The following PIK3C3 variants were observed in gnomAD, a reference collection of about 807,000 sequenced individuals.
PIK3C3 encodes the protein PI3-kinase type 3.
PIK3C3 carries 95 observed loss-of-function variants against 126.1 expected under a neutral mutation model. The ratio of observed to expected loss-of-function variants is 0.75; its 90% CI spans 0.64 to 0.89. The LOEUF is 0.89. PIK3C3 is among the 40% of genes least tolerant of loss of function. The pLI, the probability that PIK3C3 is intolerant of heterozygous loss-of-function variation, is 0.00. For synonymous variants in PIK3C3, 374 were observed against 360.0 expected, an observed-to-expected ratio of 1.04 and a Z score of -0.44; for missense variants, 829 against 1,063.2, an observed-to-expected ratio of 0.78 and a Z score of 3.06.
In PIK3C3 at chr18:41,995,999, G is replaced by T; in HGVS notation, c.891+5G>T. The T allele has an allele frequency of 6.4e-7, 1 of 1,566,672 alleles. No homozygotes were observed. The highest frequency in any genetic ancestry group is 8.8e-7 in the Non-Finnish European group (1 of 1,137,840). ...GCCACGAGAGATCAGTTAAATGTAA[G>T]AGAATTATGAAATATTAATTTAAAA... On this transcript the variant is annotated splice_donor_5th_base_variant and intron_variant, in intron 8 of 24. Coordinates refer to ENST00000262039, the MANE Select transcript of PIK3C3 (RefSeq NM_002647.4).
At chr18:42,022,080 C>T (rs946217231) in intron 13 of PIK3C3, among the ~76,000 whole-genome samples, 1 of 152,194 alleles carries the variant, frequency 6.6e-6, no homozygotes, top group African/African-American at 2.4e-5. Context: ...AGGTAATGCT[C>T]TGCTGGGTAC....
intron 1 of PIK3C3, 114 bp downstream of exon 1, chr18:41,955,473 G>T (rs1278086718): frequency 1.1e-6 from 1 of 888,984 alleles, no homozygotes; most frequent in African/African-American, 1.7e-5. Context: ...GGCCCAGATT[G>T]GGGGCGGCTG....
At position 42,079,946 on chromosome 18, in the gene PIK3C3, A is replaced by T. The variant is rs1482905685; in HGVS notation, c.2650-1177A>T. 3.4e-3 allele frequency among the ~76,000 whole-genome samples: 472 copies of T among 137,180 alleles called. 3 individuals are homozygous for T. Among genetic ancestry groups the T allele is most frequent in the African/African-American group, 0.01 (378 of 37,044 alleles). The allele number at this position is 137,180 out of a possible 152,430, so 90.0% of individuals were successfully genotyped here. ...TTCCCTCTTATTTCCCCAACTTTTG[A>T]GTGTGTGTGTGTGTGTGTGTGTGTG... On this transcript the variant is annotated intron_variant, in intron 24 of 24. Transcript: ENST00000262039.
intron 6 of PIK3C3, among the ~76,000 whole-genome samples, chr18:41,991,210 T>C (rs1272117154): frequency 2.0e-5 from 3 of 152,152 alleles, no homozygotes; most frequent in African/African-American, 7.2e-5. Context: ...AATAATTATA[T>C]ATTTAAGTAC....
At chr18:41,988,173 G>A (rs1568123891) in intron 5 of PIK3C3, among the ~76,000 whole-genome samples, 1 of 152,130 alleles carries the variant, frequency 6.6e-6, no homozygotes, top group Non-Finnish European at 1.5e-5. Context: ...CCTCAGTGGT[G>A]TGTTCTCTGT....
chr18:41,969,202 A>G (rs1444530674), intron 3 of PIK3C3, among the ~76,000 whole-genome samples: 1 of 151,846 alleles, frequency 6.6e-6, no homozygotes, highest in East Asian at 1.9e-4. Flanking sequence ...ACACACTTCT[A>G]GTTTTTTTCT....
chr18:41,987,179 T>C (rs1334707124), intron 4 of PIK3C3, among the ~76,000 whole-genome samples: 1 of 152,056 alleles, frequency 6.6e-6, no homozygotes, highest in Admixed American at 6.6e-5. Context: ...TTTGAGGTCC[T>C]TGGAACTTAC....
rs1403147154 is a variant in PIK3C3 at position 42,004,525 on chromosome 18, G to A, written c.1154G>A (p.Arg385Gln). The change falls in exon 10 of 25, where the codon CGA becomes CAA. Residue 385 changes from arginine (R) to glutamine (Q), a missense_variant. Coordinates refer to ENST00000262039, the MANE Select transcript of PIK3C3 (RefSeq NM_002647.4). ...AGGCGTTATGCTGTTGCCCGGTTGC[G>A]ACAGGCCGATGATGAGGTGCATTAT... ...TVRRYAVARL[R>Q]QADDEDLLMY... 12 of 1,592,556 alleles carry A rather than the reference G, an allele frequency of 7.5e-6. No individual in the cohort carries two copies. The highest frequency in any genetic ancestry group is 1.2e-5 in the South Asian group (1 of 86,622).
intron 16 of PIK3C3, among the ~76,000 whole-genome samples, chr18:42,035,489 TG>T (rs879007435): frequency 6.6e-6 from 1 of 152,332 alleles, no homozygotes; most frequent in Admixed American, 6.5e-5. Flanking sequence ...TTATGTCTTA[TG>T]AAATAAAATA....
At chr18:42,067,644 AC>A in intron 24 of PIK3C3, 131 bp downstream of exon 24, 1 of 911,202 alleles carries the variant, frequency 1.1e-6, no homozygotes, top group Non-Finnish European at 1.7e-6. Flanking sequence ...TTGACATCTC[AC>A]CAGCCAGCTG....
At chr18:42,040,960 A>G (rs1984287336) in intron 19 of PIK3C3, among the ~76,000 whole-genome samples, 1 of 152,192 alleles carries the variant, frequency 6.6e-6, no homozygotes, top group African/African-American at 2.4e-5. Context: ...TTGCATATCA[A>G]GGGATCAGGC....
At chr18:42,042,560 A>G (rs1023254228) in intron 19 of PIK3C3, among the ~76,000 whole-genome samples, 1 of 152,218 alleles carries the variant, frequency 6.6e-6, no homozygotes, top group South Asian at 2.1e-4. Context: ...AGTGTACTTA[A>G]AGTTTTTAAC....
chr18:42,057,864 G>T lies in PIK3C3; in HGVS notation c.2264-19G>T, dbSNP rs1250487207. The stretch of plus-strand genomic sequence containing the variant: ...TTAAGATAATTCTGGAAACAAATGA[G>T]TTTCTTGTCAACATCCAGGCAAACT... On this transcript the variant is annotated intron_variant, in intron 21 of 24. Coordinates refer to ENST00000262039, the MANE Select transcript of PIK3C3 (RefSeq NM_002647.4). 2 of 1,612,096 alleles carry T rather than the reference G, an allele frequency of 1.2e-6. No individual in the cohort carries two copies. The highest frequency in any genetic ancestry group is 1.7e-5 in the Admixed American group (1 of 59,744).
At position 41,987,857 on chromosome 18, in the gene PIK3C3, C is replaced by G; in HGVS notation, c.577C>G (p.Leu193Val). The G allele has an allele frequency of 2.5e-6, 4 of 1,604,892 alleles. No individual in the cohort carries two copies. Among genetic ancestry groups the G allele is most frequent in the Non-Finnish European group, 3.4e-6 (4 of 1,174,674 alleles). Reference sequence around the variant, plus strand: ...AGGACACATGGTGAAAGTAGATTGGCTGGATAGATTGACATTTAGAGAAAT... The same window carrying G: ...AGGACACATGGTGAAAGTAGATTGGGTGGATAGATTGACATTTAGAGAAAT... ...RQGHMVKVDW[L>V]DRLTFREIEM... The change falls in exon 5 of 25, where the codon CTG becomes GTG. Residue 193 changes from leucine (L) to valine (V), a missense_variant. By Grantham distance (32) the Leu-to-Val change is conservative (BLOSUM62 1). Coordinates refer to ENST00000262039, the MANE Select transcript of PIK3C3 (RefSeq NM_002647.4).
chr18:41,990,112 A>C (rs1245917572), intron 5 of PIK3C3, among the ~76,000 whole-genome samples: 1 of 152,274 alleles, frequency 6.6e-6, no homozygotes, highest in East Asian at 1.9e-4. Context: ...GTTAGAAGGA[A>C]AAACCATTCT....
At chr18:42,076,146 G>GCA (rs1986002351) in intron 24 of PIK3C3, among the ~76,000 whole-genome samples, 19 of 32,346 alleles carry the variant, frequency 5.9e-4, no homozygotes, top group South Asian at 2.8e-3. Context: ...ATATATATGC[G>GCA]CATATATATA....
chr18:41,961,525 A>G lies in PIK3C3; in HGVS notation c.258-964A>G, dbSNP rs564948060. Among the ~76,000 whole-genome samples the G allele has an allele frequency of 3.2e-4, 48 of 152,300 alleles. No individual in the cohort carries two copies. In the South Asian group the frequency reaches 9.5e-3, roughly 30 times the overall value. ...CTAATTTATATGGCGTATATAAATG[A>G]TTTGTTGTTTAAGTTTTTGGAAATT... On this transcript the variant is annotated intron_variant, in intron 2 of 24. Coordinates refer to ENST00000262039, the MANE Select transcript of PIK3C3 (RefSeq NM_002647.4).
At chr18:42,006,860 C>CTTTTTT (rs71265065) in intron 10 of PIK3C3, among the ~76,000 whole-genome samples, 116 of 102,238 alleles carry the variant, frequency 1.1e-3, no homozygotes, top group Non-Finnish European at 1.4e-3. Flanking sequence ...AAATCATATT[C>CTTTTTT]TTTTTTTTTT....
intron 16 of PIK3C3, among the ~76,000 whole-genome samples, chr18:42,035,529 G>T (rs551924972): frequency 6.6e-6 from 1 of 152,006 alleles, no homozygotes; most frequent in Non-Finnish European, 1.5e-5. Context: ...TCAGTATTCA[G>T]TCTTGATTAT....
Sources: gnomAD v4.1 joint callset for allele counts (sites outside exome capture counted in the v4.1 genomes callset) on GRCh38, gnomAD v4.1.1 for gene constraint, MANE v1.5 for transcripts, NCBI Gene and HGNC (gene_info 2026-07-23, HGNC 2026-07-21) for gene names.